CEP128: variants seen among roughly 807,000 people sequenced by gnomAD.
The protein encoded by CEP128 is centrosomal protein 128.
A neutral mutation model predicts 156.7 loss-of-function variants in CEP128; 132 were observed. The observed-to-expected ratio is 0.84, with a 90% CI of 0.73 to 0.97. CEP128 has a LOEUF of 0.97. Ranked by LOEUF, CEP128 falls within the 50% of genes least tolerant of loss-of-function variation. The probability of loss-of-function intolerance (pLI) is 0.00; values close to 1 mark genes in which losing one functional copy is unlikely to be tolerated. For synonymous variants in CEP128, 469 were observed against 448.9 expected (o/e 1.04, Z -0.57); for missense variants, 1,252 against 1,281.9 (o/e 0.98, Z 0.36).
chr14:80,933,348 C>G (rs2195101), intron 2 of CEP128, among the ~76,000 whole-genome samples: 1 of 151,982 alleles, frequency 6.6e-6, no homozygotes, highest in Non-Finnish European at 1.5e-5. Flanking sequence ...GGAATCCCAG[C>G]CTTGCAGAGA....
intron 17 of CEP128, among the ~76,000 whole-genome samples, chr14:80,760,377 A>C (rs568215073): frequency 6.6e-6 from 1 of 152,236 alleles, no homozygotes; most frequent in African/African-American, 2.4e-5. Context: ...AAATGTCTTG[A>C]CTGCAAGAGA....
At chr14:80,581,713 G>A (rs1264349822) in intron 19 of CEP128, among the ~76,000 whole-genome samples, 1 of 152,172 alleles carries the variant, frequency 6.6e-6, no homozygotes, top group Admixed American at 6.5e-5. Context: ...GCAGGCCAGT[G>A]TTTTGGGGTG....
At chr14:80,662,285 T>C (rs1895433023) in intron 19 of CEP128, among the ~76,000 whole-genome samples, 1 of 152,210 alleles carries the variant, frequency 6.6e-6, no homozygotes, top group African/African-American at 2.4e-5. Flanking sequence ...CTGTTTAGAA[T>C]AGAAAATATT....
chr14:80,838,801 T>C (rs1432445908), intron 10 of CEP128, among the ~76,000 whole-genome samples: 2 of 152,220 alleles, frequency 1.3e-5, no homozygotes, highest in Non-Finnish European at 2.9e-5. Flanking sequence ...CTTAAATTTT[T>C]AGATGTCTAA....
At chr14:80,786,738 AC>A (rs578002248) in intron 14 of CEP128, among the ~76,000 whole-genome samples, 224 of 152,312 alleles carry the variant, frequency 1.5e-3, no homozygotes, top group African/African-American at 5.2e-3. Context: ...GAAAGGGGAA[AC>A]AAAAAGTTGG....
At chr14:80,666,922 G>A (rs1378059788) in intron 19 of CEP128, among the ~76,000 whole-genome samples, 1 of 152,020 alleles carries the variant, frequency 6.6e-6, no homozygotes. Context: ...GTAAGTTCAG[G>A]CTTTGACTGT....
chr14:80,798,902 T>C (rs1379245413), intron 13 of CEP128, among the ~76,000 whole-genome samples: 1 of 152,206 alleles, frequency 6.6e-6, no homozygotes, highest in Non-Finnish European at 1.5e-5. Context: ...TTTAAAAACA[T>C]ACATTGAAAA....
Position 80,790,086 on chromosome 14 carries a change from C to G in CEP128, c.1560+2674G>C, listed in dbSNP as rs150963853. Among the ~76,000 whole-genome samples, 3 of 152,056 alleles carry G rather than the reference C, an allele frequency of 2.0e-5. No individual in the cohort carries two copies. In the East Asian group the frequency reaches 5.8e-4, roughly 29 times the overall value. On this transcript the variant is annotated intron_variant, in intron 14 of 24. Coordinates refer to ENST00000555265, the MANE Select transcript of CEP128 (RefSeq NM_152446.5). ...AAGATAGCATATATTACATATAACT[C>G]TTTTTTTCTGTCAGCAGGAAGGAAA...
intron 19 of CEP128, among the ~76,000 whole-genome samples, chr14:80,648,551 C>G (rs1390379502): frequency 6.6e-6 from 1 of 151,796 alleles, no homozygotes; most frequent in Non-Finnish European, 1.5e-5. Context: ...TAAAGGAGAA[C>G]ATAAGATGGG....
At chr14:80,730,192 C>A (rs574858861) in intron 19 of CEP128, among the ~76,000 whole-genome samples, 1 of 152,232 alleles carries the variant, frequency 6.6e-6, no homozygotes, top group South Asian at 2.1e-4. Context: ...TTCATTGCAA[C>A]GAAATCATAC....
At position 80,712,709 on chromosome 14, in the gene CEP128, C is replaced by T. The variant is rs1407736448; in HGVS notation, c.2806+30366G>A. ...GATCCAAGGCAAGCACTCTGGCAGC[C>T]TCATCAAAGGCAGCTGGAGATGACA... On this transcript the variant is annotated intron_variant, in intron 19 of 24. Coordinates refer to ENST00000555265, the MANE Select transcript of CEP128 (RefSeq NM_152446.5). Among the ~76,000 whole-genome samples the T allele has an allele frequency of 2.0e-5, 3 of 152,134 alleles. 1 individual carries two copies. The highest frequency in any genetic ancestry group is 4.1e-4 in the South Asian group (2 of 4,826).
intron 16 of CEP128, among the ~76,000 whole-genome samples, chr14:80,768,060 T>C (rs1900328703): frequency 1.3e-5 from 2 of 152,132 alleles, no homozygotes; most frequent in African/African-American, 2.4e-5. Flanking sequence ...GTTCTACTCA[T>C]TGACAAGCAT....
At chr14:80,745,757 T>C (rs534758355) in intron 18 of CEP128, among the ~76,000 whole-genome samples, 20 of 151,922 alleles carry the variant, frequency 1.3e-4, no homozygotes, top group African/African-American at 4.8e-4. Flanking sequence ...GAAAAGGCAA[T>C]TATACAAAAA....
intron 19 of CEP128, among the ~76,000 whole-genome samples, chr14:80,704,961 G>A (rs1381739359): frequency 1.3e-5 from 2 of 151,866 alleles, no homozygotes; most frequent in Non-Finnish European, 2.9e-5. Flanking sequence ...TGTATCCAAA[G>A]CCACTTAACC....
chr14:80,894,558 A>AAT (rs1555360684), intron 8 of CEP128: 6 of 440,478 alleles, frequency 1.4e-5, no homozygotes, highest in Admixed American at 5.2e-5. Flanking sequence ...GCAAAAAAAA[A>AAT]ATATATCTTG....
chr14:80,646,623 T>C (rs1894644434), intron 19 of CEP128, among the ~76,000 whole-genome samples: 1 of 152,062 alleles, frequency 6.6e-6, no homozygotes, highest in Admixed American at 6.6e-5. Flanking sequence ...AATGAGATCA[T>C]ACTATACATT....
intron 21 of CEP128, among the ~76,000 whole-genome samples, chr14:80,537,955 C>T (rs547735833): frequency 2.6e-4 from 39 of 152,208 alleles, no homozygotes; most frequent in Non-Finnish European, 4.9e-4. Context: ...TTTGCCCTGC[C>T]CTTCTAAGCT....
intron 12 of CEP128, among the ~76,000 whole-genome samples, chr14:80,832,205 C>A (rs921554604): frequency 2.0e-5 from 3 of 152,148 alleles, no homozygotes; most frequent in Admixed American, 2.0e-4. Flanking sequence ...GTCCATTAAA[C>A]CTCTTTCCTT....
chr14:80,580,142 T>TAC (rs1341975491), intron 20 of CEP128, among the ~76,000 whole-genome samples: 4 of 152,226 alleles, frequency 2.6e-5, no homozygotes, highest in Non-Finnish European at 5.9e-5. Context: ...TATTATGCTA[T>TAC]ACCAAGGAAT....
Sources: allele counts gnomAD v4.1 joint callset (sites outside exome capture counted in the v4.1 genomes callset), GRCh38; gene constraint gnomAD v4.1.1; transcripts MANE v1.5; gene names NCBI Gene and HGNC (gene_info 2026-07-23, HGNC 2026-07-21).